Variants in OSBPL1A observed in about 807,000 individuals in gnomAD.
OSBPL1A encodes the protein oxysterol-binding protein-related protein 1.
In OSBPL1A, 80 loss-of-function variants were observed where a neutral mutation model predicts 137.1. That is an observed-to-expected ratio of 0.58 (90% CI 0.49 to 0.70). OSBPL1A has a LOEUF of 0.70. Ranked by LOEUF, OSBPL1A falls within the 30% of genes least tolerant of loss-of-function variation. The pLI is 0.00. For synonymous variants in OSBPL1A, 365 were observed against 389.7 expected (o/e 0.94, Z 0.75); for missense variants, 970 against 1,129.4 (o/e 0.86, Z 2.02).
At chr18:24,226,145 T>C (rs960514734) in intron 16 of OSBPL1A, among the ~76,000 whole-genome samples, 8 of 152,180 alleles carry the variant, frequency 5.3e-5, no homozygotes, top group African/African-American at 1.9e-4. Flanking sequence ...TCTGCCAGTT[T>C]GGGAAGAAGA....
chr18:24,338,487 G>A (rs1219983592), intron 5 of OSBPL1A, among the ~76,000 whole-genome samples: 1 of 152,060 alleles, frequency 6.6e-6, no homozygotes, highest in Non-Finnish European at 1.5e-5. Context: ...TATCTTTCAA[G>A]GCAATCCAAG....
chr18:24,353,118 G>A (rs2091471790), intron 4 of OSBPL1A, among the ~76,000 whole-genome samples: 1 of 152,144 alleles, frequency 6.6e-6, no homozygotes, highest in African/African-American at 2.4e-5. Context: ...ACTACCATCA[G>A]AGTGAACAGG....
intron 5 of OSBPL1A, among the ~76,000 whole-genome samples, chr18:24,336,742 A>G (rs1252483644): frequency 6.6e-6 from 1 of 152,232 alleles, no homozygotes; most frequent in African/African-American, 2.4e-5. Flanking sequence ...ACTGATGCTT[A>G]CATACATGCA....
chr18:24,334,684 C>G (rs1473245340), intron 5 of OSBPL1A, among the ~76,000 whole-genome samples: 3 of 151,992 alleles, frequency 2.0e-5, no homozygotes, highest in Non-Finnish European at 4.4e-5. Flanking sequence ...TGAAAAATAA[C>G]AAGAAATAGC....
At chr18:24,207,094 A>G (rs578165112) in intron 17 of OSBPL1A, among the ~76,000 whole-genome samples, 28 of 152,316 alleles carry the variant, frequency 1.8e-4, no homozygotes, top group African/African-American at 6.5e-4. Flanking sequence ...TATGAAGAAC[A>G]CAACAATCAT....
chr18:24,200,894 T>C (rs1241558524), intron 17 of OSBPL1A, among the ~76,000 whole-genome samples: 1 of 152,160 alleles, frequency 6.6e-6, no homozygotes, highest in Non-Finnish European at 1.5e-5. Flanking sequence ...AAATAATTTG[T>C]GTTGAAAAGG....
At chr18:24,320,566 G>A (rs1471885525) in intron 7 of OSBPL1A, among the ~76,000 whole-genome samples, 2 of 152,180 alleles carry the variant, frequency 1.3e-5, no homozygotes, top group African/African-American at 4.8e-5. Context: ...GATAAAGTCA[G>A]AGAGGCACGC....
At chr18:24,201,706 T>C (rs2087225632) in intron 17 of OSBPL1A, among the ~76,000 whole-genome samples, 1 of 151,710 alleles carries the variant, frequency 6.6e-6, no homozygotes, top group Non-Finnish European at 1.5e-5. Flanking sequence ...GAGGTTGCAG[T>C]GAGCTGAGGC....
At chr18:24,259,544 C>T (rs1301410686) in intron 15 of OSBPL1A, among the ~76,000 whole-genome samples, 2 of 152,120 alleles carry the variant, frequency 1.3e-5, no homozygotes, top group African/African-American at 4.8e-5. Context: ...TCTGCCCCTT[C>T]CTCCTTCCAG....
chr18:24,197,777 T>C (rs1035324034), intron 17 of OSBPL1A, among the ~76,000 whole-genome samples: 1 of 149,932 alleles, frequency 6.7e-6, no homozygotes, highest in Non-Finnish European at 1.5e-5. Context: ...TATTTTGTTC[T>C]TTTCTTTTCT....
intron 14 of OSBPL1A, among the ~76,000 whole-genome samples, chr18:24,287,772 AAAAAT>A (rs56768879): frequency 0.031 from 4,279 of 136,116 alleles, 79 homozygotes; most frequent in South Asian, 0.067. Flanking sequence ...ACTCTGTCTC[AAAAAT>A]AAAATAAAAT....
intron 18 of OSBPL1A, among the ~76,000 whole-genome samples, chr18:24,183,419 TTTTC>T (rs1164082689): frequency 6.6e-6 from 1 of 150,556 alleles, no homozygotes; most frequent in African/African-American, 2.5e-5. Context: ...ACAGAGAGAT[TTTTC>T]TTTTTCTTTT....
At chr18:24,228,690 A>G (rs535356181) in intron 16 of OSBPL1A, among the ~76,000 whole-genome samples, 2 of 152,322 alleles carry the variant, frequency 1.3e-5, no homozygotes, top group African/African-American at 4.8e-5. Context: ...ATGTTGTATC[A>G]GGAAAGAACT....
chr18:24,370,406 C>T (rs886556641), intron 2 of OSBPL1A, among the ~76,000 whole-genome samples: 1 of 152,164 alleles, frequency 6.6e-6, no homozygotes, highest in East Asian at 1.9e-4. Flanking sequence ...TCTTTCACCC[C>T]GTTGCAAATC....
chr18:24,197,169 G>A (rs1420337257), intron 17 of OSBPL1A, among the ~76,000 whole-genome samples: 5 of 152,162 alleles, frequency 3.3e-5, no homozygotes. Flanking sequence ...GCAACATAGT[G>A]AAACCCATCT....
chr18:24,359,196 C>T (rs1353877997), intron 4 of OSBPL1A, among the ~76,000 whole-genome samples: 12 of 151,440 alleles, frequency 7.9e-5, no homozygotes, highest in African/African-American at 2.4e-4. Flanking sequence ...CCAGCCTTGG[C>T]GACAGAGCGA....
At chr18:24,323,132 A>G (rs1244299116) in intron 7 of OSBPL1A, among the ~76,000 whole-genome samples, 1 of 152,210 alleles carries the variant, frequency 6.6e-6, no homozygotes, top group African/African-American at 2.4e-5. Context: ...ATCCTTAAAA[A>G]TGGTAAGGGG....
chr18:24,282,315 T>TA (rs559717317), intron 14 of OSBPL1A, among the ~76,000 whole-genome samples: 1 of 151,948 alleles, frequency 6.6e-6, no homozygotes, highest in Non-Finnish European at 1.5e-5. Flanking sequence ...AAGCAAGTAA[T>TA]AAAAAAAATT....
intron 14 of OSBPL1A, among the ~76,000 whole-genome samples, chr18:24,286,112 G>A (rs757023985): frequency 3.3e-5 from 5 of 152,174 alleles, no homozygotes; most frequent in South Asian, 2.1e-4. Context: ...AGCCAAGATC[G>A]CGCCACTGCA....
Sources: gnomAD v4.1 joint callset for allele counts (sites outside exome capture counted in the v4.1 genomes callset) on GRCh38, gnomAD v4.1.1 for gene constraint, MANE v1.5 for transcripts, NCBI Gene and HGNC (gene_info 2026-07-23, HGNC 2026-07-21) for gene names.